The following CCDC171 variants were observed in gnomAD, a reference collection of about 807,000 sequenced individuals.
CCDC171 encodes the protein coiled-coil domain containing 171.
CCDC171 carries 177 observed loss-of-function variants against 168.2 expected under a neutral mutation model. That is an observed-to-expected ratio of 1.05 (90% CI 0.93 to 1.19). CCDC171 has a LOEUF of 1.19. Ranked by LOEUF, CCDC171 falls within the 50% of genes most tolerant of loss-of-function variation. CCDC171 has a pLI of 0.00. For synonymous variants in CCDC171, 687 were observed against 540.8 expected (o/e 1.27, Z -3.75); for missense variants, 1,991 against 1,539.0 (o/e 1.29, Z -4.91).
At chr9:15,888,113 A>G (rs1819678207) in intron 24 of CCDC171, 1 of 152,198 alleles carries the variant, frequency 6.6e-6, no homozygotes, top group African/African-American at 2.4e-5. Context: ...CTCTATGGAG[A>G]TATTTGCTCT....
chr9:15,600,947 A>C (rs545034138), intron 6 of CCDC171, among the ~76,000 whole-genome samples: 15 of 152,290 alleles, frequency 9.8e-5, no homozygotes, highest in African/African-American at 3.6e-4. Context: ...AGCGCGGGAT[A>C]CAATCTCCTG....
At chr9:15,637,966 G>A (rs559578075) in intron 7 of CCDC171, among the ~76,000 whole-genome samples, 78 of 152,206 alleles carry the variant, frequency 5.1e-4, no homozygotes, top group African/African-American at 1.6e-3. Context: ...ATGATTTATA[G>A]TCCTTTGGGT....
chr9:15,982,087 C>A (rs1300956328), intron 3 of CCDC171, among the ~76,000 whole-genome samples: 1 of 152,158 alleles, frequency 6.6e-6, no homozygotes, highest in Non-Finnish European at 1.5e-5. Context: ...GATTCTGGCT[C>A]TTTCTGACAT....
downstream of CCDC171, among the ~76,000 whole-genome samples, chr9:16,063,332 A>T (rs953039394): frequency 3.9e-5 from 6 of 152,128 alleles, no homozygotes; most frequent in Non-Finnish European, 7.4e-5. Flanking sequence ...CAGGCTTGCC[A>T]CGGATGGTCT....
chr9:15,585,689 A>G (rs1187332146), intron 4 of CCDC171, among the ~76,000 whole-genome samples: 2 of 152,190 alleles, frequency 1.3e-5, no homozygotes, highest in East Asian at 1.9e-4. Context: ...GTATTTATTC[A>G]TAAAATCTCT....
At chr9:15,832,219 A>G (rs919570219) in intron 21 of CCDC171, among the ~76,000 whole-genome samples, 1 of 152,184 alleles carries the variant, frequency 6.6e-6, no homozygotes, top group African/African-American at 2.4e-5. Context: ...TCAAATGGTG[A>G]GATACAAGTC....
exon 2 of CCDC171, chr9:16,060,994 G>A (rs529468842): frequency 1.3e-5 from 2 of 152,334 alleles, no homozygotes; most frequent in Admixed American, 6.5e-5. Flanking sequence ...CCATTTGAGT[G>A]TAATTCTGTT....
intron 16 of CCDC171, among the ~76,000 whole-genome samples, chr9:15,733,895 G>C (rs1236351482): frequency 1.1e-4 from 16 of 152,092 alleles, no homozygotes. Flanking sequence ...AGCCTCCCAA[G>C]TAGCTGGGAC....
At chr9:15,938,502 G>T (rs1363782329) in intron 25 of CCDC171, among the ~76,000 whole-genome samples, 1 of 151,724 alleles carries the variant, frequency 6.6e-6, no homozygotes, top group Non-Finnish European at 1.5e-5. Context: ...TGGGTCTATG[G>T]TTAAGGCCTT....
intron 15 of CCDC171, 64 bp from the exon 16 acceptor site, chr9:15,729,546 G>A (rs2054024205): frequency 4.9e-6 from 5 of 1,010,824 alleles, no homozygotes; most frequent in Non-Finnish European, 7.1e-6. Flanking sequence ...ATTTTATTGG[G>A]GGAGATGACA....
At chr9:16,084,634 C>A in the CCDC171 span, among the ~76,000 whole-genome samples, 1 of 152,208 alleles carries the variant, frequency 6.6e-6, no homozygotes, top group African/African-American at 2.4e-5. Context: ...CCTCAAACTT[C>A]CTACTGCCTA....
chr9:15,986,094 G>A (rs1831977698), intron 3 of CCDC171, among the ~76,000 whole-genome samples: 1 of 152,170 alleles, frequency 6.6e-6, no homozygotes. Flanking sequence ...AAATAAAAGG[G>A]GCTGATAATG....
intron 21 of CCDC171, among the ~76,000 whole-genome samples, chr9:15,792,928 T>G (rs925660789): frequency 2.0e-5 from 3 of 151,968 alleles, no homozygotes; most frequent in Non-Finnish European, 2.9e-5. Context: ...ATGAGCAAAA[T>G]AACCAGCTAA....
At chr9:15,732,126 C>T (rs1435284369) in intron 16 of CCDC171, among the ~76,000 whole-genome samples, 2 of 151,988 alleles carry the variant, frequency 1.3e-5, no homozygotes, top group Non-Finnish European at 2.9e-5. Context: ...ACAATATTTT[C>T]TCTGAATCTC....
At chr9:15,710,548 G>T (rs111429154) in intron 11 of CCDC171, among the ~76,000 whole-genome samples, 1 of 151,934 alleles carries the variant, frequency 6.6e-6, no homozygotes, top group Admixed American at 6.6e-5. Context: ...TGATCCGCCC[G>T]CCTCGACCTC....
intron 10 of CCDC171, 149 bp from the exon 11 acceptor site, chr9:15,695,086 G>T: frequency 1.7e-6 from 1 of 604,584 alleles, no homozygotes. Context: ...CCAAGTAAAA[G>T]GTATGATTAA....
In CCDC171 at chr9:15,604,616, A is replaced by G. The variant is rs541552652; in HGVS notation, c.675+10444A>G. ...ACGGTATGGGAAGTGTAGCTTGAAA[A>G]TAATTCCATGAACTATAGAAAGAGG... On this transcript the variant is annotated intron_variant, in intron 6 of 25. Transcript: ENST00000380701. Among the ~76,000 whole-genome samples the G allele has an allele frequency of 2.0e-4, 30 of 152,244 alleles. 1 individual carries two copies. The South Asian group carries it at 6.0e-3, about 31-fold the overall frequency.
At chr9:15,989,504 C>A (rs1395776305) in intron 3 of CCDC171, among the ~76,000 whole-genome samples, 1 of 152,144 alleles carries the variant, frequency 6.6e-6, no homozygotes, top group Non-Finnish European at 1.5e-5. Context: ...GCCGAAAATT[C>A]TAAAAATCCG....
Position 15,727,851 on chromosome 9 carries a change from C to CTTTTT in CCDC171, c.1693-12_1693-8dup. On this transcript the variant is annotated splice_polypyrimidine_tract_variant and intron_variant, in intron 14 of 25. Coordinates refer to ENST00000380701, the MANE Select transcript of CCDC171 (RefSeq NM_173550.4). ...TGTTTATATACAGCAATTAATTTTT[C>CTTTTT]TTTTTTTTTTCCTGCAGGAGAAGCT... 1.5e-6 allele frequency: 2 copies of CTTTTT among 1,362,190 alleles called. No homozygotes were observed. Among genetic ancestry groups the CTTTTT allele is most frequent in the South Asian group, 2.7e-5 (2 of 73,032 alleles). The allele number at this position is 1,362,190 out of a possible 1,614,324, so 84.4% of individuals were successfully genotyped here. A position where few individuals can be genotyped will look rare whatever the true frequency, so the allele number is the denominator to read the frequency against.
Sources: allele counts gnomAD v4.1 joint callset (sites outside exome capture counted in the v4.1 genomes callset), GRCh38; gene constraint gnomAD v4.1.1; transcripts MANE v1.5; gene names NCBI Gene and HGNC (gene_info 2026-07-23, HGNC 2026-07-21).